Variants in PELP1 observed in about 807,000 individuals in gnomAD.
The protein encoded by PELP1 is proline, glutamate and leucine rich protein 1.
A neutral mutation model predicts 95.5 loss-of-function variants in PELP1; 32 were observed. The ratio of observed to expected loss-of-function variants is 0.34; its 90% CI spans 0.25 to 0.45. PELP1 has a LOEUF of 0.45. PELP1 is among the 20% of genes least tolerant of loss of function. PELP1 has a pLI of 1.00. For synonymous variants in PELP1, 668 were observed against 600.1 expected (o/e 1.11, Z -1.65); for missense variants, 1,358 against 1,444.8 (o/e 0.94, Z 0.97).
chr17:4,678,105 T>C (rs1031215961), intron 5 of PELP1, among the ~76,000 whole-genome samples: 1 of 151,580 alleles, frequency 6.6e-6, no homozygotes, highest in Non-Finnish European at 1.5e-5. Flanking sequence ...TCCCAGCTAC[T>C]TGGGAGGCTG....
intron 13 of PELP1, 135 bp downstream of exon 13, chr17:4,674,375 A>T: frequency 2.7e-6 from 2 of 741,420 alleles, no homozygotes; most frequent in Non-Finnish European, 4.4e-6. Flanking sequence ...CACTTATCGC[A>T]GTGGACGAAG....
intron 3 of PELP1, among the ~76,000 whole-genome samples, chr17:4,684,591 C>T (rs937243839): frequency 1.5e-5 from 2 of 133,508 alleles, no homozygotes; most frequent in Admixed American, 8.2e-5. Flanking sequence ...CTGTCACTCG[C>T]TTTATCTCCC....
Position 4,676,157 on chromosome 17 carries a change from C to A in PELP1, c.859G>T (p.Val287Leu). The A allele has an allele frequency of 6.2e-7, 1 of 1,613,790 alleles. No individual in the cohort carries two copies. Among genetic ancestry groups the A allele is most frequent in the Non-Finnish European group, 8.5e-7 (1 of 1,179,748 alleles). ...TCCACCCCAGGGCCTTCATTCTGCA[C>A]AGGAGCTGGCAGAAGCACAACTACC... ...ALYEGAETAP[V>L]QNEGPGVEML... is the part of the protein sequence containing the mutation. The change falls in exon 8 of 17, where the codon GTG becomes TTG. Residue 287 changes from valine to leucine, a missense_variant. Physicochemically the swap from Val to Leu is conservative, Grantham distance 32. Transcript: ENST00000572293.
At position 4,675,668 on chromosome 17, in the gene PELP1, G is replaced by A. The variant is rs184858809; in HGVS notation, c.1068+129C>T. 17 of 748,770 alleles carry A rather than the reference G, an allele frequency of 2.3e-5. No individual in the cohort carries two copies. In the East Asian group the frequency reaches 4.0e-4, roughly 18 times the overall value. 46.4% of individuals were successfully genotyped at this position (748,770 alleles called of 1,614,324 possible). A position where few individuals can be genotyped will look rare whatever the true frequency, so the allele number is the denominator to read the frequency against. On this transcript the variant is annotated intron_variant, in intron 9 of 16. Transcript: ENST00000572293. This position sits in a 1 kb window ranked among gnomAD's most constrained non-coding sequence, Gnocchi z 4.3. ...GACACATAGGAAGTGATGTTATTTG[G>A]ACAAAAGTAGGAAGCTCTCTGGGAC...
At chr17:4,695,667 TAAA>T (rs71147081) in intron 1 of PELP1, among the ~76,000 whole-genome samples, 1,329 of 62,560 alleles carry the variant, frequency 0.021, 36 homozygotes, top group African/African-American at 0.063. Flanking sequence ...CCCTCTCTCT[TAAA>T]AAAAAAAAAA....
At chr17:4,674,372 C>T (rs755687029) in intron 13 of PELP1, 138 bp downstream of exon 13, 78 of 722,254 alleles carry the variant, frequency 1.1e-4, no homozygotes, top group Non-Finnish European at 1.7e-4. Flanking sequence ...GATCACTTAT[C>T]GCAGTGGACG....
chr17:4,698,124 T>G, intron 1 of PELP1, among the ~76,000 whole-genome samples: 1 of 151,162 alleles, frequency 6.6e-6, no homozygotes, highest in Admixed American at 6.6e-5. Context: ...CTGAATCTCA[T>G]GCTGGGATAA....
intron 1 of PELP1, among the ~76,000 whole-genome samples, chr17:4,697,251 G>A (rs955022468): frequency 7.9e-5 from 12 of 152,116 alleles, no homozygotes; most frequent in African/African-American, 1.9e-4. Flanking sequence ...GGTGACTAAC[G>A]CCTATAATCC....
At position 4,703,867 on chromosome 17, in the gene PELP1, G is replaced by A. The variant is rs761214397; in HGVS notation, c.245C>T (p.Ala82Val). ...GCACGCGGGCCACGGACTCACCTGG[G>A]CCCCGCCCACCGACCCATGCAGCCG... ...LLRLHGSVGGAQNLSALGALV... is the reference protein window; with the variant it reads ...LLRLHGSVGGVQNLSALGALV... The change falls in exon 1 of 17, where the codon GCC becomes GTC. Residue 82 changes from alanine to valine, a missense_variant. Coordinates refer to ENST00000572293, the MANE Select transcript of PELP1 (RefSeq NM_014389.3). The A allele has an allele frequency of 2.5e-6, 4 of 1,609,962 alleles. No individual in the cohort carries two copies. The highest frequency in any genetic ancestry group is 2.2e-5 in the East Asian group (1 of 44,738).
At chr17:4,685,236 C>T (rs945569207) in intron 3 of PELP1, among the ~76,000 whole-genome samples, 1 of 152,142 alleles carries the variant, frequency 6.6e-6, no homozygotes, top group African/African-American at 2.4e-5. Flanking sequence ...CAGTCTGCGT[C>T]TTGTCCCACC....
At chr17:4,703,575 T>C (rs1913634380) in intron 1 of PELP1, among the ~76,000 whole-genome samples, 1 of 152,196 alleles carries the variant, frequency 6.6e-6, no homozygotes, top group South Asian at 2.1e-4. Context: ...AAGAGACTTT[T>C]AGATTATACA....
At chr17:4,697,158 G>A (rs778395483) in intron 1 of PELP1, among the ~76,000 whole-genome samples, 1 of 152,116 alleles carries the variant, frequency 6.6e-6, no homozygotes, top group Non-Finnish European at 1.5e-5. Context: ...AGGTCACAGA[G>A]GTGAGGAGGG....
chr17:4,679,333 A>G (rs1912611476), intron 5 of PELP1, among the ~76,000 whole-genome samples: 1 of 152,176 alleles, frequency 6.6e-6, no homozygotes, highest in East Asian at 1.9e-4. Flanking sequence ...GTTAGTTTGG[A>G]AAGGGTACTC....
At chr17:4,684,020 T>C (rs762573651) in intron 3 of PELP1, among the ~76,000 whole-genome samples, 5 of 151,870 alleles carry the variant, frequency 3.3e-5, no homozygotes, top group Non-Finnish European at 7.4e-5. Flanking sequence ...ATAACAAGAC[T>C]GTGCCATCTC....
intron 3 of PELP1, among the ~76,000 whole-genome samples, chr17:4,689,012 G>A (rs1249172954): frequency 1.3e-5 from 2 of 152,172 alleles, no homozygotes; most frequent in African/African-American, 4.8e-5. Context: ...ATAGACCAAT[G>A]GAACAGAAGG....
chr17:4,676,532 G>A, intron 6 of PELP1, 25 bp from the exon 7 acceptor site: 1 of 1,611,892 alleles, frequency 6.2e-7, no homozygotes, highest in Non-Finnish European at 8.5e-7. Context: ...ACAGAAACCT[G>A]GTCAGATGGG....
At chr17:4,698,496 G>C (rs1318997549) in intron 1 of PELP1, among the ~76,000 whole-genome samples, 1 of 149,612 alleles carries the variant, frequency 6.7e-6, no homozygotes, top group Non-Finnish European at 1.5e-5. Context: ...AAAAAAATTA[G>C]CCAGGCATGG....
chr17:4,703,202 G>A (rs779658236), intron 1 of PELP1, among the ~76,000 whole-genome samples: 3 of 152,044 alleles, frequency 2.0e-5, no homozygotes, highest in African/African-American at 7.2e-5. Context: ...CCACATCTGA[G>A]CCCCAGGAAC....
At chr17:4,682,672 C>G in intron 4 of PELP1, 99 bp from the exon 5 acceptor site, 1 of 1,448,594 alleles carries the variant, frequency 6.9e-7, no homozygotes, top group Non-Finnish European at 9.6e-7. Context: ...CCAGAAATCA[C>G]TTTTTCTTGG....
Sources: gnomAD v4.1 joint callset for allele counts (sites outside exome capture counted in the v4.1 genomes callset) on GRCh38, gnomAD v4.1.1 for gene constraint, Gnocchi (gnomAD v3.1) non-coding constraint, MANE v1.5 for transcripts, NCBI Gene and HGNC (gene_info 2026-07-23, HGNC 2026-07-21) for gene names.